PDE4D: variants seen among roughly 807,000 people sequenced by gnomAD.
PDE4D encodes 3',5'-cyclic-AMP phosphodiesterase 4D.
PDE4D carries 24 observed loss-of-function variants against 87.4 expected under a neutral mutation model. The ratio of observed to expected loss-of-function variants is 0.27; its 90% CI spans 0.20 to 0.39. The LOEUF is 0.39. PDE4D is among the 10% of genes least tolerant of loss of function. The probability of loss-of-function intolerance (pLI) is 1.00; values close to 1 mark genes in which losing one functional copy is unlikely to be tolerated. For missense variants in PDE4D, 714 were observed against 1,041.0 expected (o/e 0.69, Z 4.32); for synonymous variants, 384 against 383.2 (o/e 1.00, Z -0.02).
At chr5:59,127,618 C>A (rs1349577274) in intron 5 of PDE4D, among the ~76,000 whole-genome samples, 1 of 108,742 alleles carries the variant, frequency 9.2e-6, no homozygotes, top group Non-Finnish European at 2.3e-5. Context: ...CCCCCACCCC[C>A]CACCTCACCC....
rs562687463 is a variant in PDE4D, at chr5:59,534,697, G to C, written c.456-318729C>G. On this transcript the variant is annotated intron_variant, in intron 1 of 14. Coordinates refer to ENST00000340635, the MANE Select transcript of PDE4D (RefSeq NM_001104631.2). ...AGTAGAGGATTTTGGGTTATTGGTA[G>C]GCAATGGAGAGCCAATGAGATTTCA... Among the ~76,000 whole-genome samples, 7 of 152,192 alleles carry C rather than the reference G, an allele frequency of 4.6e-5. No homozygotes were observed. The South Asian group carries it at 1.2e-3, about 27-fold the overall frequency.
At chr5:59,009,344 G>T (rs1477450268) in intron 6 of PDE4D, among the ~76,000 whole-genome samples, 1 of 151,940 alleles carries the variant, frequency 6.6e-6, no homozygotes, top group African/African-American at 2.4e-5. Flanking sequence ...TGGTGAATGG[G>T]TAAACAAATT....
chr5:60,435,608 T>G (rs528993364), intron 1 of PDE4D, among the ~76,000 whole-genome samples: 1 of 152,058 alleles, frequency 6.6e-6, no homozygotes, highest in East Asian at 1.9e-4. Flanking sequence ...TTATTTCTAA[T>G]TGGGGAATAC....
chr5:59,027,907 T>C (rs776380117), intron 6 of PDE4D, among the ~76,000 whole-genome samples: 2 of 151,962 alleles, frequency 1.3e-5, no homozygotes, highest in African/African-American at 4.8e-5. Flanking sequence ...TCTCGGCTGA[T>C]AGAGCAAGGA....
intron 1 of PDE4D, among the ~76,000 whole-genome samples, chr5:60,384,275 C>T (rs771339788): frequency 7.2e-5 from 11 of 152,134 alleles, no homozygotes; most frequent in Non-Finnish European, 1.5e-4. Context: ...AGTATGGTAA[C>T]GCAAATCATG....
chr5:59,703,770 T>C, intron 1 of PDE4D: 1 of 362,180 alleles, frequency 2.8e-6, no homozygotes, highest in Non-Finnish European at 5.8e-6. Context: ...TCTGTCCTCT[T>C]CAATGTGTGC....
In PDE4D at chr5:59,259,140, T is replaced by C. The variant is rs185493112; in HGVS notation, c.456-43172A>G. Among the ~76,000 whole-genome samples, 176 of 151,900 alleles carry C rather than the reference T, an allele frequency of 1.2e-3. 2 individuals carry two copies. Among genetic ancestry groups the C allele is most frequent in the African/African-American group, 4.1e-3 (169 of 41,502 alleles). On this transcript the variant is annotated intron_variant, in intron 1 of 14. Coordinates refer to ENST00000340635, the MANE Select transcript of PDE4D (RefSeq NM_001104631.2). The stretch of plus-strand genomic sequence containing the variant: ...GAAAACACAAACATAAACAAGAAAA[T>C]ATTAATAGGAGTTTTTCCCTTCTAA...
intron 1 of PDE4D, chr5:59,703,686 T>C (rs373502275): frequency 3.9e-6 from 2 of 507,994 alleles, no homozygotes; most frequent in African/African-American, 2.0e-5. Context: ...TGAACAACTG[T>C]AATCAAAGAG....
At chr5:59,989,974 C>A (rs967200662) in intron 2 of PDE4D, among the ~76,000 whole-genome samples, 1 of 152,112 alleles carries the variant, frequency 6.6e-6, no homozygotes, top group Non-Finnish European at 1.5e-5. Flanking sequence ...TGAGATCATG[C>A]ATATGATGTG....
At chr5:59,795,138 G>A (rs186258277) in intron 1 of PDE4D, among the ~76,000 whole-genome samples, 3 of 152,334 alleles carry the variant, frequency 2.0e-5, no homozygotes, top group East Asian at 3.9e-4. Context: ...AAGAGCCAGT[G>A]AAGTCACAGA....
chr5:59,839,368 C>T (rs928484360), intron 1 of PDE4D, among the ~76,000 whole-genome samples: 15 of 151,874 alleles, frequency 9.9e-5, no homozygotes, highest in Non-Finnish European at 1.9e-4. Flanking sequence ...TCTCCTTCAA[C>T]TCCTGCCTGG....
intron 1 of PDE4D, among the ~76,000 whole-genome samples, chr5:59,626,676 G>A (rs1579962414): frequency 6.6e-6 from 1 of 152,272 alleles, no homozygotes; most frequent in South Asian, 2.1e-4. Context: ...TTAACTTTCA[G>A]TGGTAAAAAA....
At chr5:59,612,425 A>G (rs1032599708) in intron 1 of PDE4D, among the ~76,000 whole-genome samples, 2 of 152,132 alleles carry the variant, frequency 1.3e-5, no homozygotes, top group Non-Finnish European at 2.9e-5. Flanking sequence ...CTACCTAAGG[A>G]GAGGAAGATA....
At chr5:59,040,755 C>T (rs768471068) in intron 5 of PDE4D, among the ~76,000 whole-genome samples, 1 of 152,206 alleles carries the variant, frequency 6.6e-6, no homozygotes, top group Non-Finnish European at 1.5e-5. Flanking sequence ...GAGAAACTTA[C>T]ACTAAGTGGT....
At chr5:60,365,706 A>C (rs1309091924) in intron 1 of PDE4D, among the ~76,000 whole-genome samples, 1 of 152,168 alleles carries the variant, frequency 6.6e-6, no homozygotes, top group Non-Finnish European at 1.5e-5. Flanking sequence ...CCTCAGATTA[A>C]CCAAATCAAA....
intron 1 of PDE4D, among the ~76,000 whole-genome samples, chr5:59,780,995 T>C (rs978362533): frequency 4.0e-5 from 6 of 151,862 alleles, no homozygotes; most frequent in African/African-American, 1.2e-4. Flanking sequence ...GGTGAAACCC[T>C]GTCTCTACTA....
intron 1 of PDE4D, among the ~76,000 whole-genome samples, chr5:59,269,653 T>C (rs1763452687): frequency 6.6e-6 from 1 of 152,054 alleles, no homozygotes; most frequent in African/African-American, 2.4e-5. Flanking sequence ...AGAGGTATTT[T>C]AAGGAGAGGG....
intron 1 of PDE4D, among the ~76,000 whole-genome samples, chr5:59,582,165 A>T (rs1225597707): frequency 6.6e-6 from 1 of 152,202 alleles, no homozygotes; most frequent in Non-Finnish European, 1.5e-5. Flanking sequence ...CTGCAATTTC[A>T]CTGGAAGACA....
chr5:60,191,961 T>G (rs138304211), intron 1 of PDE4D, among the ~76,000 whole-genome samples: 18 of 152,222 alleles, frequency 1.2e-4, no homozygotes, highest in African/African-American at 2.9e-4. Context: ...GATTGCACCA[T>G]TGCACTCCAG....
Sources: allele counts gnomAD v4.1 joint callset (sites outside exome capture counted in the v4.1 genomes callset), GRCh38; gene constraint gnomAD v4.1.1; transcripts MANE v1.5; gene names NCBI Gene and HGNC (gene_info 2026-07-23, HGNC 2026-07-21).